The following MYO9B variants were observed in gnomAD, a reference collection of about 807,000 sequenced individuals.
The protein encoded by MYO9B is unconventional myosin-IXb.
MYO9B carries 71 observed loss-of-function variants against 229.5 expected under a neutral mutation model. The observed-to-expected ratio is 0.31, with a 90% CI of 0.26 to 0.38. The LOEUF is 0.38. Among genes scored for constraint, MYO9B ranks in the 10% least tolerant of loss-of-function variants. The probability of loss-of-function intolerance (pLI) is 1.00; values close to 1 mark genes in which losing one functional copy is unlikely to be tolerated. For missense variants in MYO9B, 2,255 were observed against 2,920.5 expected (o/e 0.77, Z 5.25); for synonymous variants, 1,185 against 1,235.8 (o/e 0.96, Z 0.86).
At chr19:17,205,215 C>CTGG (rs2073147144) in intron 30 of MYO9B, 48 bp from the exon 31 acceptor site, 1 of 1,531,828 alleles carries the variant, frequency 6.5e-7, no homozygotes, top group Non-Finnish European at 9.0e-7. Flanking sequence ...CTGCAGGAAT[C>CTGG]TGGGGTCCCC....
At chr19:17,169,919 G>A (rs576681666) in intron 11 of MYO9B, among the ~76,000 whole-genome samples, 1 of 142,876 alleles carries the variant, frequency 7.0e-6, no homozygotes, top group Non-Finnish European at 1.5e-5. Flanking sequence ...TCAGCTCACT[G>A]TAACCCCCAC....
intron 1 of MYO9B, among the ~76,000 whole-genome samples, chr19:17,092,398 G>A (rs1600027607): frequency 6.6e-6 from 1 of 152,242 alleles, no homozygotes; most frequent in Non-Finnish European, 1.5e-5. Context: ...ACATGTGGGT[G>A]GACATGTGCA....
chr19:17,176,884 A>C (rs1291913115), intron 14 of MYO9B, among the ~76,000 whole-genome samples: 1 of 152,156 alleles, frequency 6.6e-6, no homozygotes, highest in African/African-American at 2.4e-5. Context: ...GCACCCAAGC[A>C]TGTGCCAGCA....
chr19:17,109,078 T>G (rs2057822189), intron 2 of MYO9B, among the ~76,000 whole-genome samples: 1 of 132,190 alleles, frequency 7.6e-6, no homozygotes, highest in East Asian at 2.7e-4. Flanking sequence ...ATTTATTTAT[T>G]TATTTTGAAA....
intron 2 of MYO9B, among the ~76,000 whole-genome samples, chr19:17,107,086 A>G (rs1217718962): frequency 6.6e-6 from 1 of 151,988 alleles, no homozygotes; most frequent in African/African-American, 2.4e-5. Context: ...AAAATAAAAA[A>G]TTAGCCAGGC....
At chr19:17,099,837 G>T (rs1399024597) in intron 1 of MYO9B, among the ~76,000 whole-genome samples, 1 of 138,282 alleles carries the variant, frequency 7.2e-6, no homozygotes, top group South Asian at 2.3e-4. Flanking sequence ...AAAAAAAAAG[G>T]CCGGGTGCGG....
intron 2 of MYO9B, among the ~76,000 whole-genome samples, chr19:17,112,123 C>G (rs1161702681): frequency 1.3e-5 from 2 of 152,198 alleles, no homozygotes; most frequent in African/African-American, 4.8e-5. Flanking sequence ...CAACCTCCCC[C>G]ATCAGTGTCC....
intron 2 of MYO9B, among the ~76,000 whole-genome samples, chr19:17,138,046 C>T (rs2072292862): frequency 6.6e-6 from 1 of 152,118 alleles, no homozygotes; most frequent in Non-Finnish European, 1.5e-5. Context: ...TGTTATCCCT[C>T]TCCTAGCCCC....
intron 36 of MYO9B, among the ~76,000 whole-genome samples, 188 bp downstream of exon 36, chr19:17,209,897 G>A (rs1294799150): frequency 1.3e-5 from 2 of 152,160 alleles, no homozygotes; most frequent in African/African-American, 4.8e-5. Context: ...TCGGGTAGCA[G>A]GGCGGGGCCT....
chr19:17,152,721 TC>T lies in MYO9B; in HGVS notation c.998+18del. The T allele has an allele frequency of 6.2e-7, 1 of 1,604,676 alleles. No individual in the cohort carries two copies. On this transcript the variant is annotated intron_variant, in intron 4 of 39. Coordinates refer to ENST00000682292, the MANE Select transcript of MYO9B (RefSeq NM_004145.4). ...AAGGATGAGAGGTAGGAGAATGTTT[TC>T]CCAGGAATCTCTGAATGCCACGCCA...
At chr19:17,123,129 C>T (rs1476927601) in intron 2 of MYO9B, among the ~76,000 whole-genome samples, 3 of 152,094 alleles carry the variant, frequency 2.0e-5, no homozygotes, top group African/African-American at 4.8e-5. Context: ...AAAGGATTTT[C>T]AGCTTGGCTT....
At chr19:17,093,517 A>G (rs16981598) in intron 1 of MYO9B, among the ~76,000 whole-genome samples, 36,683 of 151,974 alleles carry the variant, frequency 0.24, 5,521 homozygotes, top group South Asian at 0.45. Flanking sequence ...GCACCTGGGA[A>G]CCTGACGTAC....
chr19:17,113,146 A>G (rs559392477), intron 2 of MYO9B, among the ~76,000 whole-genome samples: 1 of 152,340 alleles, frequency 6.6e-6, no homozygotes, highest in East Asian at 1.9e-4. Flanking sequence ...TCTATGTTAC[A>G]TGAATGCAGA....
At chr19:17,104,286 G>C (rs2057773234) in intron 2 of MYO9B, among the ~76,000 whole-genome samples, 1 of 152,138 alleles carries the variant, frequency 6.6e-6, no homozygotes, top group South Asian at 2.1e-4. Flanking sequence ...GGGCTGCCTA[G>C]TTTCACTGTA....
At chr19:17,095,749 T>TC (rs1240981194) in intron 1 of MYO9B, 2 of 152,252 alleles carry the variant, frequency 1.3e-5, no homozygotes, top group African/African-American at 2.4e-5. Context: ...TGTAGTTATG[T>TC]AATCTCTTTT....
At chr19:17,076,988 G>A (rs960394382) in intron 1 of MYO9B, among the ~76,000 whole-genome samples, 1 of 152,142 alleles carries the variant, frequency 6.6e-6, no homozygotes, top group East Asian at 1.9e-4. Context: ...GTCTTTAAGG[G>A]ATGGCTTCTC....
intron 38 of MYO9B, among the ~76,000 whole-genome samples, 186 bp downstream of exon 38, chr19:17,211,034 A>C (rs1394071908): frequency 2.5e-5 from 3 of 121,092 alleles, no homozygotes; most frequent in African/African-American, 9.8e-5. Flanking sequence ...GCCCAGCTGG[A>C]GTGCAGTGGT....
intron 8 of MYO9B, among the ~76,000 whole-genome samples, chr19:17,161,984 T>G: frequency 8.7e-6 from 1 of 114,518 alleles, no homozygotes; most frequent in South Asian, 2.6e-4. Flanking sequence ...TGAGACCCTG[T>G]GTCAAAAAAA....
rs146160693 is a variant in MYO9B at position 17,150,338 on chromosome 19, G to A, written c.936-2306G>A. 3.3e-3 allele frequency among the ~76,000 whole-genome samples: 499 copies of A among 152,052 alleles called. 1 individual carries two copies. Among genetic ancestry groups the A allele is most frequent in the African/African-American group, 0.012 (486 of 41,468 alleles). On this transcript the variant is annotated intron_variant, in intron 3 of 39. Transcript: ENST00000682292. ...CAGGAGAATCACTTGAACATGGGAG[G>A]CAGAAGTTGCAGTGATCCCAGATCA...
Sources: gnomAD v4.1 joint callset for allele counts (sites outside exome capture counted in the v4.1 genomes callset) on GRCh38, gnomAD v4.1.1 for gene constraint, MANE v1.5 for transcripts, NCBI Gene and HGNC (gene_info 2026-07-23, HGNC 2026-07-21) for gene names.